Variants in RUNX1 observed in about 807,000 individuals in gnomAD.
RUNX1 encodes RUNX family transcription factor 1.
RUNX1 carries 19 observed loss-of-function variants against 42.8 expected under a neutral mutation model. The observed-to-expected ratio is 0.44, with a 90% CI of 0.31 to 0.65. The LOEUF (loss-of-function observed/expected upper bound fraction) is 0.65, where lower values mean the gene tolerates loss of function less well. Ranked by LOEUF, RUNX1 falls within the 30% of genes least tolerant of loss-of-function variation. The pLI, the probability that RUNX1 is intolerant of heterozygous loss-of-function variation, is 0.07. For synonymous variants in RUNX1, 271 were observed against 289.4 expected, an observed-to-expected ratio of 0.94 and a Z score of 0.64; for missense variants, 528 against 672.0, an observed-to-expected ratio of 0.79 and a Z score of 2.37.
chr21:34,986,437 G>T (rs1364021519), intron 2 of RUNX1, among the ~76,000 whole-genome samples: 1 of 151,408 alleles, frequency 6.6e-6, no homozygotes, highest in Non-Finnish European at 1.5e-5. Flanking sequence ...GAGATATGTG[G>T]CATTTAGCAA....
rs189384639 is a variant in RUNX1, at chr21:34,839,067, G to A, written c.614-4466C>T. 1.9e-3 allele frequency among the ~76,000 whole-genome samples: 283 copies of A among 152,158 alleles called. 1 individual carries two copies. The highest frequency in any genetic ancestry group is 8.7e-3 in the South Asian group (42 of 4,822). On this transcript the variant is annotated intron_variant, in intron 6 of 8. Transcript: ENST00000675419. ...ATTTCTTCTCATATCGTTAAGCTAAGACAACACCACAAGGTTGGAGTACTT... is the reference window on the plus strand; with the variant it reads ...ATTTCTTCTCATATCGTTAAGCTAAAACAACACCACAAGGTTGGAGTACTT...
At chr21:34,858,869 T>A (rs2057531069) in intron 6 of RUNX1, among the ~76,000 whole-genome samples, 1 of 152,218 alleles carries the variant, frequency 6.6e-6, no homozygotes, top group African/African-American at 2.4e-5. Flanking sequence ...CTCATTTTTT[T>A]AAAAGCTTCC....
intron 6 of RUNX1, among the ~76,000 whole-genome samples, chr21:34,842,397 A>C (rs2057250148): frequency 7.1e-6 from 1 of 140,636 alleles, no homozygotes; most frequent in South Asian, 2.4e-4. Context: ...TGGGAGACTG[A>C]GGCAGGAGAA....
intron 2 of RUNX1, among the ~76,000 whole-genome samples, chr21:35,018,055 T>A (rs1013781795): frequency 3.3e-5 from 5 of 152,212 alleles, no homozygotes; most frequent in Non-Finnish European, 7.3e-5. Flanking sequence ...AGATGGAGTC[T>A]CACTCTGTTA....
At chr21:34,829,984 T>G (rs886758645) in intron 7 of RUNX1, 2 of 152,120 alleles carry the variant, frequency 1.3e-5, no homozygotes, top group African/African-American at 2.4e-5. Context: ...AGAAACAGGG[T>G]CATTTCAGTA....
intron 2 of RUNX1, among the ~76,000 whole-genome samples, chr21:34,959,886 T>A (rs1201474491): frequency 6.6e-6 from 1 of 152,068 alleles, no homozygotes; most frequent in Non-Finnish European, 1.5e-5. Context: ...GGAGCAATTG[T>A]GCAGGGTGGG....
chr21:34,956,880 T>TA (rs1451100034), intron 2 of RUNX1, among the ~76,000 whole-genome samples: 1 of 152,206 alleles, frequency 6.6e-6, no homozygotes, highest in Non-Finnish European at 1.5e-5. Context: ...ATTTGTGAGG[T>TA]AAACTAACTC....
chr21:34,965,051 C>T (rs552935686), intron 2 of RUNX1, among the ~76,000 whole-genome samples: 3 of 152,312 alleles, frequency 2.0e-5, no homozygotes, highest in Admixed American at 6.5e-5. Context: ...CACATGCTCA[C>T]ACACAGCCTT....
intron 2 of RUNX1, among the ~76,000 whole-genome samples, chr21:35,019,626 T>C (rs2146939330): frequency 6.6e-6 from 1 of 152,266 alleles, no homozygotes; most frequent in South Asian, 2.1e-4. Context: ...CCTTGAGCCC[T>C]TGAGCCTCTG....
At chr21:34,806,400 CATG>C (rs1222175870) in intron 7 of RUNX1, among the ~76,000 whole-genome samples, 2 of 152,186 alleles carry the variant, frequency 1.3e-5, no homozygotes, top group African/African-American at 2.4e-5. Context: ...AAGGGAATTA[CATG>C]ATGATAATGT....
chr21:34,854,142 T>C (rs534267468), intron 6 of RUNX1, among the ~76,000 whole-genome samples: 1 of 152,298 alleles, frequency 6.6e-6, no homozygotes, highest in East Asian at 1.9e-4. Context: ...ATTTCTCTTC[T>C]TCACTTGAAG....
At chr21:34,889,543 G>T in intron 3 of RUNX1, 2 of 469,004 alleles carry the variant, frequency 4.3e-6, no homozygotes, top group Non-Finnish European at 5.8e-6. Flanking sequence ...TTGCTCCCGG[G>T]CCTTGTAGCG....
At chr21:34,865,444 T>G in intron 5 of RUNX1, among the ~76,000 whole-genome samples, 1 of 152,302 alleles carries the variant, frequency 6.6e-6, no homozygotes, top group African/African-American at 2.4e-5. Context: ...GCTGATATGC[T>G]ATGTAAACAA....
intron 7 of RUNX1, among the ~76,000 whole-genome samples, chr21:34,815,216 A>G (rs1178163563): frequency 6.6e-6 from 1 of 152,078 alleles, no homozygotes; most frequent in Non-Finnish European, 1.5e-5. Flanking sequence ...AAGGAGAGTG[A>G]CCATGGTCTC....
intron 5 of RUNX1, among the ~76,000 whole-genome samples, chr21:34,874,532 C>CCTGGGAGGTGGAGGTTGCAGTGAG (rs1176323475): frequency 2.2e-5 from 3 of 139,142 alleles, no homozygotes; most frequent in Non-Finnish European, 4.5e-5. Context: ...ATCGCTTGAA[C>CCTGGGAGGTGGAGGTTGCAGTGAG]CTGGGAGGTG....
intron 2 of RUNX1, among the ~76,000 whole-genome samples, chr21:34,897,337 T>C (rs1360609052): frequency 6.6e-6 from 1 of 152,224 alleles, no homozygotes; most frequent in African/African-American, 2.4e-5. Flanking sequence ...TTGTATACAG[T>C]ACTTCCAGAT....
intron 6 of RUNX1, among the ~76,000 whole-genome samples, chr21:34,847,450 G>T (rs2057332790): frequency 6.7e-6 from 1 of 150,042 alleles, no homozygotes; most frequent in Non-Finnish European, 1.5e-5. Context: ...AAATCCCTAA[G>T]ATTTTAATAT....
intron 2 of RUNX1, among the ~76,000 whole-genome samples, chr21:35,022,428 C>T (rs561892133): frequency 7.2e-5 from 11 of 152,200 alleles, no homozygotes; most frequent in Non-Finnish European, 1.5e-4. Context: ...AGCTGGGGAA[C>T]ATTTAACAAC....
chr21:34,836,199 G>A (rs2057144115), intron 6 of RUNX1, among the ~76,000 whole-genome samples: 1 of 152,180 alleles, frequency 6.6e-6, no homozygotes, highest in African/African-American at 2.4e-5. Flanking sequence ...CAGCGCTCCA[G>A]CCCACAACAG....
Sources: gnomAD v4.1 joint callset for allele counts (sites outside exome capture counted in the v4.1 genomes callset) on GRCh38, gnomAD v4.1.1 for gene constraint, MANE v1.5 for transcripts, NCBI Gene and HGNC (gene_info 2026-07-23, HGNC 2026-07-21) for gene names.